AKT3: variants seen among roughly 807,000 people sequenced by gnomAD.
AKT3 encodes the protein AKT serine/threonine kinase 3.
A neutral mutation model predicts 65.3 loss-of-function variants in AKT3; 15 were observed. The ratio of observed to expected loss-of-function variants is 0.23; its 90% CI spans 0.15 to 0.35. The LOEUF (loss-of-function observed/expected upper bound fraction) is 0.35. Ranked by LOEUF, AKT3 falls within the 10% of genes least tolerant of loss-of-function variation. AKT3 has a pLI of 1.00. For synonymous variants in AKT3, 206 were observed against 183.8 expected, an observed-to-expected ratio of 1.12 and a Z score of -0.98; for missense variants, 243 against 576.5, an observed-to-expected ratio of 0.42 and a Z score of 5.92.
chr1:243,589,547 G>C (rs1251439314), intron 8 of AKT3, among the ~76,000 whole-genome samples: 1 of 152,108 alleles, frequency 6.6e-6, no homozygotes, highest in Non-Finnish European at 1.5e-5. Flanking sequence ...TGCTGGTGAG[G>C]ATGTGGAGAA....
At chr1:243,542,334 C>A (rs1672376311) in intron 12 of AKT3, among the ~76,000 whole-genome samples, 1 of 152,126 alleles carries the variant, frequency 6.6e-6, no homozygotes, top group Admixed American at 6.5e-5. Flanking sequence ...AATCCAGGAC[C>A]AGGATCCAAC....
chr1:243,730,834 A>G (rs1371987643), intron 2 of AKT3, among the ~76,000 whole-genome samples: 1 of 152,140 alleles, frequency 6.6e-6, no homozygotes, highest in Non-Finnish European at 1.5e-5. Context: ...TGCACCAGAA[A>G]CTACGTGTGG....
intron 9 of AKT3, among the ~76,000 whole-genome samples, chr1:243,567,503 T>C (rs1333573581): frequency 1.3e-5 from 2 of 148,276 alleles, no homozygotes; most frequent in Non-Finnish European, 3.0e-5. Flanking sequence ...TTTTTTTTTT[T>C]TTTTTTTAAG....
chr1:243,553,352 A>T (rs2291410), intron 10 of AKT3, among the ~76,000 whole-genome samples: 43 of 152,026 alleles, frequency 2.8e-4, no homozygotes, highest in African/African-American at 9.7e-4. Flanking sequence ...GAGCACATAA[A>T]GTGCACTGTA....
chr1:243,528,738 T>C (rs967040563), intron 12 of AKT3, among the ~76,000 whole-genome samples: 2 of 152,252 alleles, frequency 1.3e-5, no homozygotes, highest in African/African-American at 4.8e-5. Flanking sequence ...GGCATTTAGG[T>C]TGATCCCATG....
At chr1:243,591,560 T>C (rs1040478548) in intron 8 of AKT3, among the ~76,000 whole-genome samples, 1 of 151,944 alleles carries the variant, frequency 6.6e-6, no homozygotes, top group Non-Finnish European at 1.5e-5. Context: ...TAACCTATAA[T>C]CAGGAGACTA....
intron 2 of AKT3, among the ~76,000 whole-genome samples, chr1:243,796,089 T>C (rs1558818809): frequency 6.6e-6 from 1 of 152,204 alleles, no homozygotes; most frequent in Non-Finnish European, 1.5e-5. Flanking sequence ...ACAGGTATTT[T>C]TGTGCACTTA....
intron 12 of AKT3, among the ~76,000 whole-genome samples, chr1:243,534,510 T>G (rs1433882367): frequency 6.6e-6 from 1 of 152,204 alleles, no homozygotes; most frequent in Non-Finnish European, 1.5e-5. Context: ...GGATTTAATA[T>G]CAACATTATG....
chr1:243,744,929 T>TAA (rs774780626), intron 2 of AKT3, among the ~76,000 whole-genome samples: 3 of 146,360 alleles, frequency 2.0e-5, no homozygotes, highest in African/African-American at 7.5e-5. Flanking sequence ...CTTGGCTCAT[T>TAA]AAAAAAAAAA....
intron 2 of AKT3, among the ~76,000 whole-genome samples, chr1:243,758,709 A>G (rs1008726545): frequency 2.0e-5 from 3 of 152,184 alleles, no homozygotes; most frequent in Admixed American, 6.5e-5. Flanking sequence ...GGAGCGTGCA[A>G]CCTAGATCCC....
intron 2 of AKT3, among the ~76,000 whole-genome samples, chr1:243,802,674 A>G (rs1485612797): frequency 6.6e-6 from 1 of 152,218 alleles, no homozygotes; most frequent in African/African-American, 2.4e-5. Context: ...ATTTAGAGCT[A>G]GACAAAATTT....
chr1:243,524,058 T>C (rs1670891385), intron 12 of AKT3, among the ~76,000 whole-genome samples: 1 of 152,236 alleles, frequency 6.6e-6, no homozygotes, highest in African/African-American at 2.4e-5. Flanking sequence ...TGCCCTAGGC[T>C]ACAGCCCTGT....
At chr1:243,663,503 G>A (rs1234062875) in intron 4 of AKT3, among the ~76,000 whole-genome samples, 1 of 151,978 alleles carries the variant, frequency 6.6e-6, no homozygotes, top group South Asian at 2.1e-4. Context: ...GTAAGAGTTC[G>A]GGGACCCATA....
At chr1:243,794,014 AT>A (rs1236547552) in intron 2 of AKT3, among the ~76,000 whole-genome samples, 1 of 152,172 alleles carries the variant, frequency 6.6e-6, no homozygotes, top group African/African-American at 2.4e-5. Context: ...CCATGTAGCC[AT>A]TTTACCATTA....
intron 2 of AKT3, among the ~76,000 whole-genome samples, chr1:243,806,014 T>TGC (rs1692699952): frequency 6.6e-6 from 1 of 152,154 alleles, no homozygotes; most frequent in African/African-American, 2.4e-5. Context: ...AACCATGGCA[T>TGC]GCACACACAC....
At chr1:243,664,584 T>G (rs1682640168) in intron 4 of AKT3, among the ~76,000 whole-genome samples, 188 bp downstream of exon 4, 1 of 152,084 alleles carries the variant, frequency 6.6e-6, no homozygotes, top group Non-Finnish European at 1.5e-5. Flanking sequence ...TGCCCAGAGG[T>G]TCTGATATAT....
rs1674251875 is a variant in AKT3, at chr1:243,567,490, T to C, written c.820-3642A>G. On this transcript the variant is annotated intron_variant, in intron 9 of 13. Transcript: ENST00000673466. The stretch of plus-strand genomic sequence containing the variant: ...GCTAGTTTTTGTTTGTTTCTTCCTT[T>C]TTTTTTTTTTTTTTTTTTTTAAGAG... 4.2e-5 allele frequency among the ~76,000 whole-genome samples: 6 copies of C among 143,080 alleles called. No individual in the cohort carries two copies. In the South Asian group the frequency reaches 1.3e-3, roughly 31 times the overall value. The allele number at this position is 143,080 out of a possible 152,430, so 93.9% of individuals were successfully genotyped here.
rs546263007 is a variant in AKT3, at chr1:243,642,600, C to T, written c.429+3293G>A. Among the ~76,000 whole-genome samples the T allele has an allele frequency of 4.7e-4, 72 of 152,320 alleles. 1 individual carries two copies. The Middle Eastern group carries it at 0.01, about 22-fold the overall frequency. On this transcript the variant is annotated intron_variant, in intron 5 of 13. Coordinates refer to ENST00000673466, the MANE Select transcript of AKT3 (RefSeq NM_005465.7). ...CTGGGATTACAGGCGTGAGCCACCACGCCCAGCCACAGTAAGTCTTTAATA... is the reference window on the plus strand; with the variant it reads ...CTGGGATTACAGGCGTGAGCCACCATGCCCAGCCACAGTAAGTCTTTAATA...
At chr1:243,840,063 C>G (rs909114988) in intron 2 of AKT3, among the ~76,000 whole-genome samples, 1 of 151,858 alleles carries the variant, frequency 6.6e-6, no homozygotes, top group South Asian at 2.1e-4. Context: ...CCCAGCTACT[C>G]GGGAGGCTGA....
Sources: gnomAD v4.1 joint callset for allele counts (sites outside exome capture counted in the v4.1 genomes callset) on GRCh38, gnomAD v4.1.1 for gene constraint, MANE v1.5 for transcripts, NCBI Gene and HGNC (gene_info 2026-07-23, HGNC 2026-07-21) for gene names.